The following MEI4 variants were observed in gnomAD, a reference collection of about 807,000 sequenced individuals.
MEI4 encodes the protein meiosis-specific protein MEI4.
Under a neutral mutation model 31.4 loss-of-function variants are expected in MEI4, and 27 were observed. That is an observed-to-expected ratio of 0.86 (90% CI 0.63 to 1.19). The LOEUF is 1.19. Among genes scored for constraint, MEI4 ranks in the 50% most tolerant of loss-of-function variants. MEI4 has a pLI of 0.00. For synonymous variants in MEI4, 122 were observed against 145.4 expected (o/e 0.84, Z 1.16); for missense variants, 329 against 398.9 (o/e 0.82, Z 1.49).
chr6:77,914,055 T>C (rs939405817), intron 4 of MEI4, among the ~76,000 whole-genome samples: 3 of 145,858 alleles, frequency 2.1e-5, no homozygotes, highest in Non-Finnish European at 4.5e-5. Flanking sequence ...AAAACTTTCG[T>C]TGATGTTTTA....
At position 77,685,464 on chromosome 6, in the gene MEI4, G is replaced by A. The variant is rs111317602; in HGVS notation, c.-14-5194G>A. On this transcript the variant is annotated intron_variant, in intron 1 of 4. Coordinates refer to ENST00000684080, the MANE Select transcript of MEI4 (RefSeq NM_001322247.2). ...TGGATGTTAACCCCTTATAAGATAT[G>A]TGGTTTGCAAGTATTTTCTCCTATT... 8.0e-3 allele frequency among the ~76,000 whole-genome samples: 1,221 copies of A among 152,168 alleles called. 14 individuals carry two copies. The highest frequency in any genetic ancestry group is 0.027 in the African/African-American group (1,106 of 41,534).
In MEI4 at chr6:77,923,445, T is replaced by C; in HGVS notation, c.*99T>C. 1.1e-6 allele frequency: 1 copy of C among 931,014 alleles called. No individual in the cohort carries two copies. The highest frequency in any genetic ancestry group is 1.4e-6 in the Non-Finnish European group (1 of 715,748). The allele number at this position is 931,014 out of a possible 1,614,324, so 57.7% of individuals were successfully genotyped here. The stretch of plus-strand genomic sequence containing the variant: ...TTTTCAATAGTATTTTAATTAGCAT[T>C]TTAGAATTGATCTCTAAATATAATT... On this transcript the variant is annotated 3_prime_UTR_variant, in exon 5 of 5. Coordinates refer to ENST00000684080, the MANE Select transcript of MEI4 (RefSeq NM_001322247.2).
intron 3 of MEI4, among the ~76,000 whole-genome samples, chr6:77,772,441 A>G (rs546612373): frequency 6.6e-6 from 1 of 152,136 alleles, no homozygotes; most frequent in East Asian, 1.9e-4. Flanking sequence ...GTGATACATC[A>G]TATTATCAGA....
chr6:77,923,774 T>C lies in MEI4; in HGVS notation c.*428T>C, dbSNP rs1766771880. On this transcript the variant is annotated 3_prime_UTR_variant, in exon 5 of 5. Coordinates refer to ENST00000684080, the MANE Select transcript of MEI4 (RefSeq NM_001322247.2). ...CAAAGTGTTGGAATATAAGAAGTGG[T>C]CATAAATGCAATTTTTAAAACTTTT... 6.6e-6 allele frequency: 1 copy of C among 152,216 alleles called. No homozygotes were observed. Among genetic ancestry groups the C allele is most frequent in the Non-Finnish European group, 1.5e-5 (1 of 68,148 alleles). 9.4% of individuals were successfully genotyped at this position (152,216 alleles called of 1,614,324 possible). A position where few individuals can be genotyped will look rare whatever the true frequency, so the allele number is the denominator to read the frequency against.
Position 77,877,087 on chromosome 6 carries a change from G to C in MEI4, c.901-46002G>C, listed in dbSNP as rs536779217. Reference sequence around the variant, plus strand: ...TGTGCAACATTTAAGAAAAAATGGAGTTTAAAATTCATACTGATAGAAATC... The same window carrying C: ...TGTGCAACATTTAAGAAAAAATGGACTTTAAAATTCATACTGATAGAAATC... On this transcript the variant is annotated intron_variant, in intron 4 of 4. Coordinates refer to ENST00000684080, the MANE Select transcript of MEI4 (RefSeq NM_001322247.2). Among the ~76,000 whole-genome samples, 4 of 152,102 alleles carry C rather than the reference G, an allele frequency of 2.6e-5. No homozygotes were observed. The South Asian group carries it at 8.3e-4, about 32-fold the overall frequency.
At chr6:77,730,524 TACTA>T (rs1766951258) in intron 2 of MEI4, among the ~76,000 whole-genome samples, 1 of 152,132 alleles carries the variant, frequency 6.6e-6, no homozygotes, top group Admixed American at 6.6e-5. Flanking sequence ...AGTTTTTCCC[TACTA>T]ACTCTTTTCT....
chr6:77,727,126 T>A (rs1360945964), intron 2 of MEI4, among the ~76,000 whole-genome samples: 1 of 152,128 alleles, frequency 6.6e-6, no homozygotes, highest in Admixed American at 6.5e-5. Flanking sequence ...CTCTCAGATG[T>A]GAGTGGTGAT....
intron 3 of MEI4, among the ~76,000 whole-genome samples, chr6:77,775,861 TA>T (rs1210086192): frequency 1.3e-5 from 2 of 152,248 alleles, no homozygotes; most frequent in Admixed American, 6.6e-5. Flanking sequence ...CAACATCTAT[TA>T]TTTTTCTATT....
At chr6:77,914,725 A>AATAAT (rs776869810) in intron 4 of MEI4, among the ~76,000 whole-genome samples, 83 of 152,106 alleles carry the variant, frequency 5.5e-4, no homozygotes, top group Non-Finnish European at 1.1e-3. Flanking sequence ...CCTTAGATCT[A>AATAAT]ATAATATTTG....
At chr6:77,767,923 C>A (rs1302060516) in intron 3 of MEI4, among the ~76,000 whole-genome samples, 2 of 152,160 alleles carry the variant, frequency 1.3e-5, no homozygotes, top group Non-Finnish European at 2.9e-5. Flanking sequence ...ACAGAACTTT[C>A]TTCAATTTAC....
rs1345446379 is a variant in MEI4 at position 77,847,026 on chromosome 6, T to C, written c.900+17964T>C. 6.6e-6 allele frequency among the ~76,000 whole-genome samples: 1 copy of C among 152,154 alleles called. No individual in the cohort carries two copies. The highest frequency in any genetic ancestry group is 2.4e-5 in the African/African-American group (1 of 41,438). ...ACTGAAGGATTTTGTGTTGGGGAAA[T>C]AATGTTTAACAACAATGACTGTCAT... On this transcript the variant is annotated intron_variant, in intron 4 of 4. Transcript: ENST00000684080. The surrounding 1 kb of genome is among the most constrained non-coding windows in gnomAD (Gnocchi z 4.6).
intron 4 of MEI4, among the ~76,000 whole-genome samples, chr6:77,877,076 G>T (rs1771359135): frequency 6.6e-6 from 1 of 151,966 alleles, no homozygotes; most frequent in Admixed American, 6.6e-5. Flanking sequence ...CAACATTTAA[G>T]AAAAAATGGA....
intron 3 of MEI4, among the ~76,000 whole-genome samples, chr6:77,791,412 T>C (rs1047500972): frequency 1.1e-4 from 16 of 151,098 alleles, no homozygotes; most frequent in African/African-American, 3.2e-4. Context: ...ATCATCATTC[T>C]CAGTAAACTA....
intron 2 of MEI4, among the ~76,000 whole-genome samples, chr6:77,746,185 C>T (rs1011200928): frequency 5.1e-4 from 77 of 152,058 alleles, no homozygotes; most frequent in Non-Finnish European, 7.5e-4. Flanking sequence ...ATCCAGGAGC[C>T]GGTTTTTTGA....
intron 3 of MEI4, among the ~76,000 whole-genome samples, chr6:77,795,647 A>T (rs758552450): frequency 1.3e-5 from 2 of 152,172 alleles, no homozygotes; most frequent in Non-Finnish European, 2.9e-5. Flanking sequence ...TACTGTGAAC[A>T]TTATATGGAT....
At chr6:77,700,673 T>C (rs1671174562) in intron 2 of MEI4, among the ~76,000 whole-genome samples, 1 of 152,314 alleles carries the variant, frequency 6.6e-6, no homozygotes, top group Non-Finnish European at 1.5e-5. Flanking sequence ...AAATCACCTG[T>C]ATTCTGTGTC....
intron 4 of MEI4, among the ~76,000 whole-genome samples, chr6:77,838,758 G>T (rs1373048567): frequency 2.6e-5 from 4 of 152,074 alleles, no homozygotes; most frequent in Admixed American, 2.0e-4. Context: ...AAAAAAATTA[G>T]CTGGGTGTGG....
intron 3 of MEI4, among the ~76,000 whole-genome samples, chr6:77,788,328 T>C (rs2127694379): frequency 6.6e-6 from 1 of 152,290 alleles, no homozygotes; most frequent in African/African-American, 2.4e-5. Context: ...AAGCATTCCC[T>C]TTGAAAACTG....
intron 3 of MEI4, among the ~76,000 whole-genome samples, chr6:77,769,290 C>T (rs1768250333): frequency 6.6e-6 from 1 of 152,132 alleles, no homozygotes; most frequent in South Asian, 2.1e-4. Context: ...AGCTTGTGCC[C>T]ATAGAGGGAA....
Sources: gnomAD v4.1 joint callset for allele counts (sites outside exome capture counted in the v4.1 genomes callset) on GRCh38, gnomAD v4.1.1 for gene constraint, Gnocchi (gnomAD v3.1) non-coding constraint, MANE v1.5 for transcripts, NCBI Gene and HGNC (gene_info 2026-07-23, HGNC 2026-07-21) for gene names.